The following CSPG5 variants were observed in gnomAD, a reference collection of about 807,000 sequenced individuals.
CSPG5 encodes acidic leucine-rich EGF-like domain-containing brain protein.
A neutral mutation model predicts 39.8 loss-of-function variants in CSPG5; 25 were observed. The ratio of observed to expected loss-of-function variants is 0.63; its 90% CI spans 0.46 to 0.88. CSPG5 has a LOEUF of 0.88. Ranked by LOEUF, CSPG5 falls within the 40% of genes least tolerant of loss-of-function variation. CSPG5 has a pLI of 0.00. For missense variants in CSPG5, 627 were observed against 702.2 expected (o/e 0.89, Z 1.21); for synonymous variants, 295 against 303.9 (o/e 0.97, Z 0.31).
intron 3 of CSPG5, among the ~76,000 whole-genome samples, chr3:47,571,095 T>TTA (rs1553666848): frequency 2.1e-5 from 3 of 143,076 alleles, no homozygotes; most frequent in Admixed American, 6.9e-5. Flanking sequence ...TCAATTAAAT[T>TTA]AAAAAAAAAA....
intron 2 of CSPG5, among the ~76,000 whole-genome samples, chr3:47,573,304 G>T (rs1182293773): frequency 6.6e-6 from 1 of 152,202 alleles, no homozygotes; most frequent in Admixed American, 6.5e-5. Context: ...CAGCTACAAA[G>T]TCCCAGGACC....
rs562848766 is a variant in CSPG5 at position 47,566,299 on chromosome 3, G to A, written c.1458+2853C>T. On this transcript the variant is annotated intron_variant, in intron 4 of 4. Transcript: ENST00000264723. ...GGAGAGAGGGGTGGGGAGAAGCCAC[G>A]AGGCAGGCTGGACTCCGGCGCCCCC... Among the ~76,000 whole-genome samples, 10 of 152,284 alleles carry A rather than the reference G, an allele frequency of 6.6e-5. No homozygotes were observed. The South Asian group carries it at 1.4e-3, about 22-fold the overall frequency.
chr3:47,569,310 A>G, intron 3 of CSPG5, 83 bp from the exon 4 acceptor site: 1 of 1,449,848 alleles, frequency 6.9e-7, no homozygotes, highest in Non-Finnish European at 9.6e-7. Context: ...TCTGGATCAA[A>G]TACTGTATTT....
Position 47,577,223 on chromosome 3 carries a change from G to C in CSPG5, c.803C>G (p.Thr268Ser). 6.2e-7 allele frequency: 1 copy of C among 1,608,218 alleles called. No homozygotes were observed. The highest frequency in any genetic ancestry group is 8.5e-7 in the Non-Finnish European group (1 of 1,177,056). The change falls in exon 2 of 5, where the codon ACC (threonine) becomes AGC (serine). Residue 268 changes from threonine to serine, a missense_variant. Thr to Ser is a moderately conservative substitution (Grantham distance 58, BLOSUM62 1). Coordinates refer to ENST00000264723, the MANE Select transcript of CSPG5 (RefSeq NM_006574.4). The surrounding 1 kb of genome is among the most constrained non-coding windows in gnomAD (Gnocchi z 4.7). Reference sequence around the variant, plus strand: ...ATCCAAGTCATCATAAAAGGATGTGGTGGGGTAGAAATCAGATTCATCGAA... The same window carrying C: ...ATCCAAGTCATCATAAAAGGATGTGCTGGGGTAGAAATCAGATTCATCGAA... The part of the protein sequence containing the change: ...TPFDESDFYP[T>S]TSFYDDLDEE...
chr3:47,569,105 C>T lies in CSPG5; in HGVS notation c.1458+47G>A, dbSNP rs951427283. ...AACGTTATCATAGTGAGCCAAGGCA[C>T]GGGCATGGGGGGAGGAGGTACGGGG... On this transcript the variant is annotated intron_variant, in intron 4 of 4. Coordinates refer to ENST00000264723, the MANE Select transcript of CSPG5 (RefSeq NM_006574.4). The T allele has an allele frequency of 1.3e-5, 20 of 1,568,540 alleles. No individual in the cohort carries two copies. In the Admixed American group the frequency reaches 1.6e-4, roughly 12 times the overall value.
At chr3:47,574,638 C>A (rs1327684103) in intron 2 of CSPG5, among the ~76,000 whole-genome samples, 1 of 152,156 alleles carries the variant, frequency 6.6e-6, no homozygotes, top group Admixed American at 6.5e-5. Context: ...ATGTCATGAC[C>A]ATTTATAATA....
intron 4 of CSPG5, among the ~76,000 whole-genome samples, chr3:47,564,453 G>A (rs2031212052): frequency 6.6e-6 from 1 of 152,150 alleles, no homozygotes; most frequent in Admixed American, 6.5e-5. Flanking sequence ...AGATTAAGGA[G>A]GACAATTTAG....
In CSPG5 at chr3:47,572,911, C is replaced by T; in HGVS notation, c.1194-37G>A. The T allele has an allele frequency of 1.2e-5, 19 of 1,583,920 alleles. No homozygotes were observed. The highest frequency in any genetic ancestry group is 2.3e-5 in the East Asian group (1 of 44,378). Reference sequence around the variant, plus strand: ...ACATTGAGAAACCGTGGCGATGGAGCAGGCAGCCACGGCCACAGTAAGGGC... The same window carrying T: ...ACATTGAGAAACCGTGGCGATGGAGTAGGCAGCCACGGCCACAGTAAGGGC... On this transcript the variant is annotated intron_variant, in intron 2 of 4. Transcript: ENST00000264723. This position sits in a 1 kb window ranked among gnomAD's most constrained non-coding sequence, Gnocchi z 4.5.
upstream of CSPG5, chr3:47,579,645 C>A (rs1360779754): frequency 6.6e-6 from 1 of 152,204 alleles, no homozygotes; most frequent in Non-Finnish European, 1.5e-5. The surrounding 1 kb of genome is among the most constrained non-coding windows in gnomAD (Gnocchi z 4.2). Context: ...TACGTCGTCC[C>A]CCAGGTGTCT....
chr3:47,567,171 G>A (rs2031341474), intron 4 of CSPG5, among the ~76,000 whole-genome samples: 1 of 152,186 alleles, frequency 6.6e-6, no homozygotes, highest in South Asian at 2.1e-4. Context: ...AAGGATGCTT[G>A]CACTCTGTCA....
intron 4 of CSPG5, among the ~76,000 whole-genome samples, chr3:47,566,197 A>T (rs2031293571): frequency 6.6e-6 from 1 of 152,202 alleles, no homozygotes; most frequent in South Asian, 2.1e-4. Flanking sequence ...TGTAAAAGAA[A>T]TAACACCTCG....
At chr3:47,578,967 G>T, upstream of CSPG5, 1 of 152,666 alleles carries the variant, frequency 6.6e-6, no homozygotes, top group South Asian at 1.8e-4. The surrounding 1 kb of genome is among the most constrained non-coding windows in gnomAD (Gnocchi z 6.0). Context: ...CCGGCCCCTT[G>T]GTCAGCCTGC....
rs150641383 is a variant in CSPG5 at position 47,574,635 on chromosome 3, G to T, written c.1194-1761C>A. On this transcript the variant is annotated intron_variant, in intron 2 of 4. Coordinates refer to ENST00000264723, the MANE Select transcript of CSPG5 (RefSeq NM_006574.4). ...ATCCTATGAGTGACCCTAATGTCATGACCATTTATAATAAAGAACTTCGGC... is the reference window on the plus strand; with the variant it reads ...ATCCTATGAGTGACCCTAATGTCATTACCATTTATAATAAAGAACTTCGGC... 4.3e-3 allele frequency among the ~76,000 whole-genome samples: 648 copies of T among 152,270 alleles called. 7 individuals are homozygous for T. The highest frequency in any genetic ancestry group is 0.014 in the Admixed American group (219 of 15,284).
At chr3:47,569,010 T>G in intron 4 of CSPG5, 142 bp downstream of exon 4, 2 of 1,376,150 alleles carry the variant, frequency 1.5e-6, no homozygotes, top group Non-Finnish European at 1.9e-6. Context: ...GAAATAGACA[T>G]CAGACATGGG....
rs2031813833 is a variant in CSPG5, at chr3:47,577,606, G to C, written c.420C>G (p.Pro140=). The change falls in exon 2 of 5, where the codon CCC becomes CCG. Residue 140 remains proline (P), a synonymous_variant. Transcript: ENST00000264723. The surrounding 1 kb of genome is among the most constrained non-coding windows in gnomAD (Gnocchi z 4.7). ...CCTCTGTAGCCTCAGGAATGGCAGG[G>C]GGCATGATTGACTGCCCGAGGACCT... The part of the protein sequence containing the change: ...PHEVLGQSIM[P]PAIPEATEAS... The C allele has an allele frequency of 1.2e-6, 2 of 1,611,362 alleles. No individual in the cohort carries two copies. Among genetic ancestry groups the C allele is most frequent in the South Asian group, 2.2e-5 (2 of 90,992 alleles).
At position 47,577,726 on chromosome 3, in the gene CSPG5, C is replaced by A. The variant is rs2031820849; in HGVS notation, c.300G>T (p.Trp100Cys). The change falls in exon 2 of 5, where the codon TGG (tryptophan) becomes TGT (cysteine). Residue 100 changes from tryptophan (W) to cysteine (C), a missense_variant. Physicochemically the swap from Trp to Cys is radical, Grantham distance 215. Transcript: ENST00000264723. This position sits in a 1 kb window ranked among gnomAD's most constrained non-coding sequence, Gnocchi z 4.7. ...QESAAVTGTA[W>C]LEADSPGLGG... is the part of the protein sequence containing the mutation. ...CCAGGCCTGGGCTGTCAGCTTCCAG[C>A]CAGGCGGTGCCGGTCACCGCAGCCG... 6.3e-7 allele frequency: 1 copy of A among 1,577,472 alleles called. No homozygotes were observed. The highest frequency in any genetic ancestry group is 2.2e-5 in the East Asian group (1 of 44,634).
chr3:47,562,561 C>G lies in CSPG5; in HGVS notation c.*39G>C, dbSNP rs768777572. The G allele has an allele frequency of 2.6e-6, 4 of 1,556,190 alleles. No individual in the cohort carries two copies. The highest frequency in any genetic ancestry group is 3.5e-6 in the Non-Finnish European group (4 of 1,132,656). On this transcript the variant is annotated 3_prime_UTR_variant, in exon 5 of 5. Transcript: ENST00000264723. Reference sequence around the variant, plus strand: ...GGAGATAATGTTTCTTCCCCTACCCCCCACCCACTACCCCCGCTTCCTCTC... The same window carrying G: ...GGAGATAATGTTTCTTCCCCTACCCGCCACCCACTACCCCCGCTTCCTCTC...
At position 47,576,823 on chromosome 3, in the gene CSPG5, A is replaced by G; in HGVS notation, c.1193+10T>C. On this transcript the variant is annotated intron_variant, in intron 2 of 4. Coordinates refer to ENST00000264723, the MANE Select transcript of CSPG5 (RefSeq NM_006574.4). ...CAGTGTCCCTATGCACCTGCCTGCC[A>G]TGCCCTTACCTGCAGAAGGCCCCTA... 2 of 1,542,160 alleles carry G rather than the reference A, an allele frequency of 1.3e-6. No homozygotes were observed. The highest frequency in any genetic ancestry group is 1.7e-6 in the Non-Finnish European group (2 of 1,143,578).
chr3:47,563,357 G>T (rs752534648), intron 4 of CSPG5, among the ~76,000 whole-genome samples: 1 of 152,042 alleles, frequency 6.6e-6, no homozygotes, highest in African/African-American at 2.4e-5. Flanking sequence ...TAGCTAAAAA[G>T]GTATGTCCTC....
Sources: gnomAD v4.1 joint callset for allele counts (sites outside exome capture counted in the v4.1 genomes callset) on GRCh38, gnomAD v4.1.1 for gene constraint, Gnocchi (gnomAD v3.1) non-coding constraint, MANE v1.5 for transcripts, NCBI Gene and HGNC (gene_info 2026-07-23, HGNC 2026-07-21) for gene names.